Variants in WDR64 observed in about 807,000 individuals in gnomAD.
The protein encoded by WDR64 is WD repeat-containing protein 64.
In WDR64, 112 loss-of-function variants were observed where a neutral mutation model predicts 139.3. That is an observed-to-expected ratio of 0.80 (90% CI 0.69 to 0.94). WDR64 has a LOEUF of 0.94. Among genes scored for constraint, WDR64 ranks in the 40% least tolerant of loss-of-function variants. WDR64 has a pLI of 0.00. For missense variants in WDR64, 1,206 were observed against 1,293.1 expected, an observed-to-expected ratio of 0.93 and a Z score of 1.03; for synonymous variants, 444 against 437.7, an observed-to-expected ratio of 1.01 and a Z score of -0.18.
chr1:241,789,338 A>T (rs184926331), intron 24 of WDR64, among the ~76,000 whole-genome samples: 3 of 152,328 alleles, frequency 2.0e-5, no homozygotes, highest in Non-Finnish European at 4.4e-5. Flanking sequence ...TGAAAATGTT[A>T]AACAGAAATA....
intron 8 of WDR64, among the ~76,000 whole-genome samples, chr1:241,709,917 T>C (rs1424486631): frequency 1.3e-5 from 2 of 152,140 alleles, no homozygotes; most frequent in Non-Finnish European, 2.9e-5. Flanking sequence ...TAAGTGCTAA[T>C]TTAGTAATAC....
chr1:241,764,162 A>T (rs1658043167), intron 15 of WDR64, among the ~76,000 whole-genome samples: 1 of 152,202 alleles, frequency 6.6e-6, no homozygotes, highest in South Asian at 2.1e-4. Flanking sequence ...TAGGGACCAG[A>T]CCATGCTTAC....
At chr1:241,655,684 T>C (rs79333555) in intron 1 of WDR64, among the ~76,000 whole-genome samples, 4 of 132,602 alleles carry the variant, frequency 3.0e-5, no homozygotes, top group East Asian at 4.6e-4. Context: ...TTCCCCAATA[T>C]GGAGTGCCTT....
intron 1 of WDR64, among the ~76,000 whole-genome samples, chr1:241,659,959 A>C (rs1444274916): frequency 6.6e-6 from 1 of 152,106 alleles, no homozygotes; most frequent in African/African-American, 2.4e-5. Context: ...TGCTTTTGGT[A>C]TCTTCATCAT....
At chr1:241,701,506 T>C (rs566064902) in intron 8 of WDR64, among the ~76,000 whole-genome samples, 2 of 152,244 alleles carry the variant, frequency 1.3e-5, no homozygotes, top group African/African-American at 4.8e-5. Context: ...GATTAACCAG[T>C]GCAATCTGAT....
chr1:241,725,280 T>C (rs1473948599), intron 10 of WDR64, among the ~76,000 whole-genome samples: 2 of 151,946 alleles, frequency 1.3e-5, no homozygotes, highest in Admixed American at 1.3e-4. Flanking sequence ...CAATGCACTA[T>C]TGCTTATATT....
At chr1:241,768,888 A>T (rs1470640291) in intron 16 of WDR64, among the ~76,000 whole-genome samples, 1 of 152,234 alleles carries the variant, frequency 6.6e-6, no homozygotes, top group African/African-American at 2.4e-5. Flanking sequence ...TCTCCACTCC[A>T]TTATAAGCTC....
chr1:241,795,411 C>T (rs1267641506), intron 26 of WDR64, 124 bp downstream of exon 26: 3 of 803,616 alleles, frequency 3.7e-6, no homozygotes, highest in African/African-American at 3.5e-5. Context: ...CCGTTGCTTC[C>T]AAAAACGTAT....
chr1:241,702,523 A>G (rs1667759640), intron 8 of WDR64, among the ~76,000 whole-genome samples: 2 of 81,636 alleles, frequency 2.4e-5, no homozygotes, highest in South Asian at 1.2e-3. Flanking sequence ...ATTTAAAGGA[A>G]AAAAAAAAAA....
At chr1:241,751,515 C>G (rs12092046) in intron 14 of WDR64, among the ~76,000 whole-genome samples, 22,916 of 152,124 alleles carry the variant, frequency 0.15, 1,923 homozygotes, top group African/African-American at 0.19. Context: ...AACCAAAAAG[C>G]CAAAACCTGC....
At chr1:241,778,525 A>G (rs551927187) in intron 21 of WDR64, among the ~76,000 whole-genome samples, 22 of 152,202 alleles carry the variant, frequency 1.4e-4, no homozygotes, top group Non-Finnish European at 2.8e-4. Flanking sequence ...TAGTTGAATT[A>G]GTATCTACCA....
At chr1:241,794,277 G>A (rs1156897847) in intron 25 of WDR64, among the ~76,000 whole-genome samples, 1 of 151,812 alleles carries the variant, frequency 6.6e-6, no homozygotes, top group Non-Finnish European at 1.5e-5. Context: ...AAAGATACAT[G>A]CATAACCTGT....
At chr1:241,770,423 C>G (rs1371705379) in intron 17 of WDR64, 198 bp from the exon 18 acceptor site, 1 of 472,292 alleles carries the variant, frequency 2.1e-6, no homozygotes, top group African/African-American at 2.0e-5. Context: ...TGCTGAGGCT[C>G]CCCAAGAGTC....
chr1:241,678,560 C>T (rs1045481683), intron 5 of WDR64, among the ~76,000 whole-genome samples: 1 of 151,984 alleles, frequency 6.6e-6, no homozygotes, highest in Admixed American at 6.6e-5. Context: ...GGAGGTGGCC[C>T]ATGGAAATAG....
In WDR64 at chr1:241,755,728, AT is replaced by A. The variant is rs1670163727; in HGVS notation, c.1771-1550del. 5.3e-5 allele frequency among the ~76,000 whole-genome samples: 8 copies of A among 152,242 alleles called. No individual in the cohort carries two copies. In the South Asian group the frequency reaches 1.7e-3, roughly 32 times the overall value. On this transcript the variant is annotated intron_variant, in intron 14 of 27. Transcript: ENST00000437684. ...TAAGTCTTTAATCCATCTTGAATTA[AT>A]TTTTGTATAAGGTGTAAGGAAGGGG...
At chr1:241,735,964 G>A (rs553837620) in intron 10 of WDR64, among the ~76,000 whole-genome samples, 3 of 151,128 alleles carry the variant, frequency 2.0e-5, no homozygotes, top group African/African-American at 4.9e-5. Flanking sequence ...AATAGTTCTC[G>A]TCCCTGAGCC....
At chr1:241,675,051 CTTTT>C in intron 4 of WDR64, among the ~76,000 whole-genome samples, 1 of 98,864 alleles carries the variant, frequency 1.0e-5, no homozygotes, top group African/African-American at 4.1e-5. Context: ...TCTTTCCTTC[CTTTT>C]CTCCCTTCCT....
chr1:241,659,394 G>C (rs142040896), intron 1 of WDR64, among the ~76,000 whole-genome samples: 9 of 152,248 alleles, frequency 5.9e-5, no homozygotes, highest in African/African-American at 2.2e-4. Flanking sequence ...CTTTATAATA[G>C]AATGATTTTT....
intron 9 of WDR64, among the ~76,000 whole-genome samples, chr1:241,719,998 G>A (rs1668547210): frequency 6.6e-6 from 1 of 152,066 alleles, no homozygotes; most frequent in Admixed American, 6.5e-5. Context: ...CCCACCGTGA[G>A]TCCATGTGTC....
Sources: gnomAD v4.1 joint callset for allele counts (sites outside exome capture counted in the v4.1 genomes callset) on GRCh38, gnomAD v4.1.1 for gene constraint, MANE v1.5 for transcripts, NCBI Gene and HGNC (gene_info 2026-07-23, HGNC 2026-07-21) for gene names.